The following ASB8 variants were observed in gnomAD, a reference collection of about 807,000 sequenced individuals.
ASB8 encodes the protein ankyrin repeat and SOCS box containing 8, also known as ankyrin repeat and SOCS box protein 8.
ASB8 carries 15 observed loss-of-function variants against 22.9 expected under a neutral mutation model. The ratio of observed to expected loss-of-function variants is 0.66; its 90% CI spans 0.44 to 1.01. ASB8 has a LOEUF of 1.01. Among genes scored for constraint, ASB8 ranks in the 50% least tolerant of loss-of-function variants. The pLI is 0.00. For synonymous variants in ASB8, 124 were observed against 140.8 expected (o/e 0.88, Z 0.84); for missense variants, 294 against 356.9 (o/e 0.82, Z 1.42).
chr12:48,156,059 G>A (rs998858899), intron 1 of ASB8, among the ~76,000 whole-genome samples: 2 of 151,972 alleles, frequency 1.3e-5, no homozygotes, highest in Non-Finnish European at 2.9e-5. Flanking sequence ...TTACAGACAT[G>A]AGCCACCATG....
chr12:48,149,698 C>T lies in ASB8; in HGVS notation c.535G>A (p.Val179Ile). 1 of 1,614,010 alleles carries T rather than the reference C, an allele frequency of 6.2e-7. No individual in the cohort carries two copies. The highest frequency in any genetic ancestry group is 8.5e-7 in the Non-Finnish European group (1 of 1,179,880). The change falls in exon 4 of 4, where the codon GTC becomes ATC. Residue 179 changes from valine (V) to isoleucine (I), a missense_variant. Coordinates refer to ENST00000317697, the MANE Select transcript of ASB8 (RefSeq NM_024095.5). ...GGTGTCTGGCCTATTAGGTTGATGACTCTGACCTCTGCGCCATAATCCAGA... is the reference window on the plus strand; with the variant it reads ...GGTGTCTGGCCTATTAGGTTGATGATTCTGACCTCTGCGCCATAATCCAGA... ...ILLDYGAEVR[V>I]INLIGQTPIS...
chr12:48,152,012 T>C (rs988211576), intron 2 of ASB8, among the ~76,000 whole-genome samples: 2 of 151,912 alleles, frequency 1.3e-5, no homozygotes, highest in Non-Finnish European at 2.9e-5. Context: ...ACTAGCTGGG[T>C]GTGGTGGCGG....
rs184347222 is a variant in ASB8, at chr12:48,149,040, G to A, written c.*326C>T. On this transcript the variant is annotated 3_prime_UTR_variant, in exon 4 of 4. Transcript: ENST00000317697. ...GGAAAACCACACACACATTATTTAA[G>A]TACTTTCCATCTTCCTAGAGAAATT... The A allele has an allele frequency of 1.9e-3, 624 of 321,514 alleles. 1 individual carries two copies. The highest frequency in any genetic ancestry group is 2.5e-3 in the Non-Finnish European group (435 of 173,556). The allele number at this position is 321,514 out of a possible 1,614,324, so 19.9% of individuals were successfully genotyped here.
intron 1 of ASB8, 38 bp from the exon 2 acceptor site, chr12:48,153,567 G>A: frequency 6.5e-7 from 1 of 1,527,308 alleles, no homozygotes; most frequent in Middle Eastern, 1.7e-4. Flanking sequence ...CAATATCACT[G>A]AGCACACCTG....
intron 3 of ASB8, chr12:48,150,966 A>G (rs953715822): frequency 1.0e-5 from 6 of 599,684 alleles, no homozygotes; most frequent in Non-Finnish European, 1.5e-5. Context: ...GAGTATCAGC[A>G]CCATACAATG....
chr12:48,151,557 A>C (rs1951203329), intron 2 of ASB8: 1 of 1,468,294 alleles, frequency 6.8e-7, no homozygotes, highest in Admixed American at 2.0e-5. Context: ...AGGCTGCCAG[A>C]TGGTCACCTG....
In ASB8 at chr12:48,149,512, T is replaced by A. The variant is rs1225676887; in HGVS notation, c.721A>T (p.Thr241Ser). 1 of 1,614,110 alleles carries A rather than the reference T, an allele frequency of 6.2e-7. No individual in the cohort carries two copies. Among genetic ancestry groups the A allele is most frequent in the East Asian group, 2.2e-5 (1 of 44,884 alleles). ...GTTCCTGGAGCTGAGCACAGAACAG[T>A]CAGTTTTTCACATAGCTGCGGGTCT... The part of the protein sequence containing the change: ...ARDPQLCEKL[T>S]VLCSAPGTLK... Residue 241 changes from threonine to serine, a missense_variant, in exon 4 of 4, where the codon ACT becomes TCT. Thr to Ser is a moderately conservative substitution (Grantham distance 58). Coordinates refer to ENST00000317697, the MANE Select transcript of ASB8 (RefSeq NM_024095.5).
chr12:48,156,427 G>A (rs1353338773), intron 1 of ASB8, among the ~76,000 whole-genome samples: 1 of 151,958 alleles, frequency 6.6e-6, no homozygotes, highest in Admixed American at 6.6e-5. Flanking sequence ...ATTTGAGTTG[G>A]TAATTCCAAG....
chr12:48,151,608 A>G, intron 2 of ASB8: 1 of 1,426,382 alleles, frequency 7.0e-7, no homozygotes, highest in Non-Finnish European at 9.3e-7. Flanking sequence ...AGCACTGGAA[A>G]CCTTATCATC....
chr12:48,156,942 T>C (rs1335426284), intron 1 of ASB8, among the ~76,000 whole-genome samples: 1 of 139,888 alleles, frequency 7.1e-6, no homozygotes, highest in Non-Finnish European at 1.5e-5. Context: ...TTTCTTTTGC[T>C]ACGGGATCCA....
rs2136079917 is a variant in ASB8 at position 48,153,375 on chromosome 12, A to G, written c.122T>C (p.Ile41Thr). ...CAATACCAGCACACTCACCCCTCTG[A>G]TGAGGTCCTCTACATTATCATGTGG... is the stretch of plus-strand genomic sequence containing the variant. The part of the protein sequence containing the change: ...SFPHDNVEDL[I>T]RGGADVNCTH... The change falls in exon 2 of 4, where the codon ATC (isoleucine) becomes ACC (threonine). Residue 41 changes from isoleucine (I) to threonine (T), a missense_variant. Ile to Thr is a moderately conservative substitution (Grantham distance 89). Coordinates refer to ENST00000317697, the MANE Select transcript of ASB8 (RefSeq NM_024095.5). The G allele has an allele frequency of 6.2e-7, 1 of 1,613,964 alleles. No individual in the cohort carries two copies. The highest frequency in any genetic ancestry group is 1.7e-4 in the Middle Eastern group (1 of 6,060).
chr12:48,153,154 C>G (rs1026410828), intron 2 of ASB8: 1 of 529,186 alleles, frequency 1.9e-6, no homozygotes, highest in Non-Finnish European at 3.4e-6. Flanking sequence ...GAACATATTC[C>G]ATGAAGAAAA....
Position 48,149,413 on chromosome 12 carries a change from G to A in ASB8, c.820C>T (p.Leu274Phe). 6.2e-7 allele frequency: 1 copy of A among 1,614,094 alleles called. No individual in the cohort carries two copies. Among genetic ancestry groups the A allele is most frequent in the Non-Finnish European group, 8.5e-7 (1 of 1,179,922 alleles). The change falls in exon 4 of 4, where the codon CTT becomes TTT. Residue 274 changes from leucine to phenylalanine, a missense_variant. Physicochemically the swap from Leu to Phe is conservative, Grantham distance 22 (BLOSUM62 0). Coordinates refer to ENST00000317697, the MANE Select transcript of ASB8 (RefSeq NM_024095.5). ...LQYLPDAVKG[L>F]PLPASLKEYL... Reference sequence around the variant, plus strand: ...TCCTTCAAAGAAGCTGGCAGTGGAAGGCCCTTCACTGCATCGGGGAGATAC... The same window carrying A: ...TCCTTCAAAGAAGCTGGCAGTGGAAAGCCCTTCACTGCATCGGGGAGATAC...
intron 1 of ASB8, among the ~76,000 whole-genome samples, chr12:48,156,340 G>T (rs1481418397): frequency 6.6e-6 from 1 of 152,042 alleles, no homozygotes; most frequent in Non-Finnish European, 1.5e-5. Flanking sequence ...AATCTCTCCA[G>T]TAGCCACTAA....
In ASB8 at chr12:48,148,705, C is replaced by T. The variant is rs1455739052; in HGVS notation, c.*661G>A. The T allele has an allele frequency of 1.0e-5, 1 of 95,432 alleles. No individual in the cohort carries two copies. Among genetic ancestry groups the T allele is most frequent in the African/African-American group, 4.3e-5 (1 of 23,112 alleles). 5.9% of individuals were successfully genotyped at this position (95,432 alleles called of 1,614,324 possible). A position where few individuals can be genotyped will look rare whatever the true frequency, so the allele number is the denominator to read the frequency against. On this transcript the variant is annotated 3_prime_UTR_variant, in exon 4 of 4. Transcript: ENST00000317697. ...TTTGAGACAGTTTTGCTCTTGTTGT[C>T]CAGGCTGGAGTGCAATGGCGCGATC...
At position 48,149,514 on chromosome 12, in the gene ASB8, A is replaced by C; in HGVS notation, c.719T>G (p.Leu240Arg). 5 of 1,614,222 alleles carry C rather than the reference A, an allele frequency of 3.1e-6. No individual in the cohort carries two copies. The highest frequency in any genetic ancestry group is 4.2e-6 in the Non-Finnish European group (5 of 1,180,048). Residue 240 changes from leucine (L) to arginine (R), a missense_variant, in exon 4 of 4, where the codon CTG (leucine) becomes CGG (arginine). Physicochemically the swap from Leu to Arg is moderately radical, Grantham distance 102. Transcript: ENST00000317697. ...VARDPQLCEK[L>R]TVLCSAPGTL... is the part of the protein sequence containing the mutation. The stretch of plus-strand genomic sequence containing the variant: ...TCCTGGAGCTGAGCACAGAACAGTC[A>C]GTTTTTCACATAGCTGCGGGTCTCT...
rs551788574 is a variant in ASB8 at position 48,149,214 on chromosome 12, G to C, written c.*152C>G. The C allele has an allele frequency of 1.3e-6, 1 of 783,110 alleles. No homozygotes were observed. Among genetic ancestry groups the C allele is most frequent in the Non-Finnish European group, 2.0e-6 (1 of 510,476 alleles). The allele number at this position is 783,110 out of a possible 1,614,324, so 48.5% of individuals were successfully genotyped here. A position where few individuals can be genotyped will look rare whatever the true frequency, so the allele number is the denominator to read the frequency against. On this transcript the variant is annotated 3_prime_UTR_variant, in exon 4 of 4. Transcript: ENST00000317697. ...TGGGTTGTTTGGTTTGGGAAGGGGA[G>C]GTGCTATGGAGGTTATTGTTGTGAC...
chr12:48,153,320 G>T (rs192857522), intron 2 of ASB8, 48 bp downstream of exon 2: 5 of 1,599,980 alleles, frequency 3.1e-6, no homozygotes, highest in African/African-American at 1.3e-5. Flanking sequence ...TGAGGATTTT[G>T]CCCACTTCAT....
chr12:48,149,345 T>C lies in ASB8; in HGVS notation c.*21A>G. The C allele has an allele frequency of 6.2e-7, 1 of 1,604,556 alleles. No homozygotes were observed. The highest frequency in any genetic ancestry group is 8.5e-7 in the Non-Finnish European group (1 of 1,173,486). On this transcript the variant is annotated 3_prime_UTR_variant, in exon 4 of 4. Transcript: ENST00000317697. ...ACCTCACCCAGAGCTGCCTGCACGA[T>C]GGTGCAAACATCTTCTCCGGCTATT...
Sources: allele counts gnomAD v4.1 joint callset (sites outside exome capture counted in the v4.1 genomes callset), GRCh38; gene constraint gnomAD v4.1.1; transcripts MANE v1.5; gene names NCBI Gene and HGNC (gene_info 2026-07-23, HGNC 2026-07-21).